NDUFAF2: variants seen among roughly 807,000 people sequenced by gnomAD.
NDUFAF2 encodes the protein NADH:ubiquinone oxidoreductase complex assembly factor 2.
In NDUFAF2, 13 loss-of-function variants were observed where a neutral mutation model predicts 22.8. The ratio of observed to expected loss-of-function variants is 0.57; its 90% CI spans 0.37 to 0.91. The LOEUF (loss-of-function observed/expected upper bound fraction) is 0.91, where lower values mean the gene tolerates loss of function less well. Among genes scored for constraint, NDUFAF2 ranks in the 40% least tolerant of loss-of-function variants. The pLI, the probability that NDUFAF2 is intolerant of heterozygous loss-of-function variation, is 0.01. For missense variants in NDUFAF2, 162 were observed against 195.2 expected (o/e 0.83, Z 1.01); for synonymous variants, 53 against 64.2 (o/e 0.83, Z 0.84).
At chr5:61,101,783 T>C (rs1310335833) in intron 3 of NDUFAF2, among the ~76,000 whole-genome samples, 1 of 152,136 alleles carries the variant, frequency 6.6e-6, no homozygotes, top group East Asian at 1.9e-4. Flanking sequence ...ATGTGCAAGA[T>C]CTGTGTACTC....
chr5:60,997,402 T>A (rs1751241993), intron 1 of NDUFAF2, among the ~76,000 whole-genome samples: 1 of 152,178 alleles, frequency 6.6e-6, no homozygotes, highest in African/African-American at 2.4e-5. Context: ...AATAATAAGT[T>A]AGCTAGAAGA....
At chr5:61,088,134 C>T (rs1752526037) in intron 2 of NDUFAF2, among the ~76,000 whole-genome samples, 2 of 152,090 alleles carry the variant, frequency 1.3e-5, no homozygotes, top group Non-Finnish European at 2.9e-5. Flanking sequence ...TGGTTGTTGG[C>T]CAAAGACCAC....
chr5:60,974,470 T>G (rs1339645324), intron 1 of NDUFAF2, among the ~76,000 whole-genome samples: 1 of 152,186 alleles, frequency 6.6e-6, no homozygotes, highest in African/African-American at 2.4e-5. Flanking sequence ...TCAGTACTCT[T>G]TAACAAACTT....
chr5:61,106,022 G>T (rs903145381), intron 3 of NDUFAF2, among the ~76,000 whole-genome samples: 2 of 151,348 alleles, frequency 1.3e-5, no homozygotes, highest in African/African-American at 4.9e-5. Context: ...GTTTAAGCTC[G>T]CACTAAAAAC....
intron 1 of NDUFAF2, among the ~76,000 whole-genome samples, chr5:60,971,352 T>C (rs1445459429): frequency 1.3e-5 from 2 of 151,506 alleles, no homozygotes; most frequent in East Asian, 3.9e-4. Context: ...CAGTGGCTGA[T>C]CTCAGCTCAC....
chr5:61,088,180 A>G (rs1469538885), intron 2 of NDUFAF2, among the ~76,000 whole-genome samples: 9 of 152,068 alleles, frequency 5.9e-5, no homozygotes, highest in African/African-American at 1.9e-4. Context: ...TTTCTTGCCA[A>G]TGGTGTTTCC....
chr5:60,957,192 G>A (rs915062643), intron 1 of NDUFAF2, among the ~76,000 whole-genome samples: 2 of 152,044 alleles, frequency 1.3e-5, no homozygotes, highest in Admixed American at 6.5e-5. Flanking sequence ...GAATGAGAAA[G>A]CAAACCTCCA....
chr5:61,113,961 T>C (rs758033082), intron 3 of NDUFAF2, among the ~76,000 whole-genome samples: 1 of 152,208 alleles, frequency 6.6e-6, no homozygotes, highest in Non-Finnish European at 1.5e-5. Context: ...CCTTTCTTTA[T>C]CCTTAACCTT....
chr5:61,006,554 T>C (rs893949892), intron 1 of NDUFAF2, among the ~76,000 whole-genome samples: 54 of 152,298 alleles, frequency 3.5e-4, no homozygotes, highest in Non-Finnish European at 5.4e-4. Context: ...TTTCACGATA[T>C]TGATTCTTCC....
At chr5:61,071,295 T>C (rs1055131583) in intron 1 of NDUFAF2, among the ~76,000 whole-genome samples, 8 of 152,152 alleles carry the variant, frequency 5.3e-5, no homozygotes, top group African/African-American at 1.9e-4. Flanking sequence ...AACCTCTGCG[T>C]TAGGATTAAA....
intron 1 of NDUFAF2, among the ~76,000 whole-genome samples, chr5:61,042,884 C>T (rs1751901018): frequency 6.6e-6 from 1 of 152,194 alleles, no homozygotes; most frequent in African/African-American, 2.4e-5. Flanking sequence ...ATTCCACCTA[C>T]ATGACACTTC....
At position 61,077,188 on chromosome 5, in the gene NDUFAF2, G is replaced by A. The variant is rs561869801; in HGVS notation, c.217+3974G>A. ...TGGGAGTTGTCAGCAAATAAATGGTGTATAAAGCAATGAGACTGAAGAGAT... is the reference window on the plus strand; with the variant it reads ...TGGGAGTTGTCAGCAAATAAATGGTATATAAAGCAATGAGACTGAAGAGAT... On this transcript the variant is annotated intron_variant, in intron 2 of 3. Coordinates refer to ENST00000296597, the MANE Select transcript of NDUFAF2 (RefSeq NM_174889.5). Among the ~76,000 whole-genome samples, 259 of 152,268 alleles carry A rather than the reference G, an allele frequency of 1.7e-3. 2 individuals are homozygous for A. Among genetic ancestry groups the A allele is most frequent in the Middle Eastern group, 0.01 (3 of 294 alleles).
chr5:61,074,497 G>A (rs1302487252), intron 2 of NDUFAF2, among the ~76,000 whole-genome samples: 1 of 152,190 alleles, frequency 6.6e-6, no homozygotes, highest in African/African-American at 2.4e-5. Flanking sequence ...TGAGGCAGGA[G>A]AATCACTTGA....
At chr5:60,977,424 A>G (rs1399284486) in intron 1 of NDUFAF2, among the ~76,000 whole-genome samples, 2 of 151,242 alleles carry the variant, frequency 1.3e-5, no homozygotes, top group Non-Finnish European at 2.9e-5. Context: ...GCTGTCTCCA[A>G]AAAAAAAGAA....
At chr5:61,149,660 A>G (rs2111834919) in intron 3 of NDUFAF2, among the ~76,000 whole-genome samples, 1 of 152,346 alleles carries the variant, frequency 6.6e-6, no homozygotes, top group East Asian at 1.9e-4. Flanking sequence ...ATTTGTTTTT[A>G]AAATACAAAC....
chr5:61,006,116 G>T (rs983540985), intron 1 of NDUFAF2, among the ~76,000 whole-genome samples: 1 of 152,100 alleles, frequency 6.6e-6, no homozygotes, highest in Non-Finnish European at 1.5e-5. Flanking sequence ...ATTAATTTTT[G>T]TATAAGGTGT....
chr5:60,972,343 G>C (rs1278713430), intron 1 of NDUFAF2, among the ~76,000 whole-genome samples: 2 of 151,836 alleles, frequency 1.3e-5, no homozygotes, highest in African/African-American at 4.8e-5. Flanking sequence ...CACTTGTCAA[G>C]GGCGGGATCA....
intron 3 of NDUFAF2, chr5:61,116,591 G>A (rs190643327): frequency 2.0e-5 from 3 of 152,232 alleles, no homozygotes; most frequent in South Asian, 2.1e-4. Flanking sequence ...GAGAAGTAAC[G>A]GTGCTTTCAA....
At chr5:61,002,315 A>G (rs544140548) in intron 1 of NDUFAF2, among the ~76,000 whole-genome samples, 2 of 152,272 alleles carry the variant, frequency 1.3e-5, no homozygotes, top group South Asian at 4.1e-4. Context: ...AGATCAAGCA[A>G]GGAGGGTATT....
Sources: allele counts gnomAD v4.1 joint callset (sites outside exome capture counted in the v4.1 genomes callset), GRCh38; gene constraint gnomAD v4.1.1; transcripts MANE v1.5; gene names NCBI Gene and HGNC (gene_info 2026-07-23, HGNC 2026-07-21).